The following TMEM184B variants were observed in gnomAD, a reference collection of about 807,000 sequenced individuals.
TMEM184B encodes putative MAPK-activating protein FM08.
A neutral mutation model predicts 41.8 loss-of-function variants in TMEM184B; 17 were observed. The ratio of observed to expected loss-of-function variants is 0.41; its 90% CI spans 0.28 to 0.61. TMEM184B has a LOEUF of 0.61. Among genes scored for constraint, TMEM184B ranks in the 20% least tolerant of loss-of-function variants. TMEM184B has a pLI of 0.34. For missense variants in TMEM184B, 393 were observed against 557.8 expected, an observed-to-expected ratio of 0.70 and a Z score of 2.98; for synonymous variants, 240 against 229.5, an observed-to-expected ratio of 1.05 and a Z score of -0.41.
At chr22:38,221,745 G>C in intron 8 of TMEM184B, 35 bp from the exon 9 acceptor site, 2 of 1,606,750 alleles carry the variant, frequency 1.2e-6, no homozygotes, top group Non-Finnish European at 1.7e-6. Flanking sequence ...CAGGTGAGGA[G>C]GCTGGGACGG....
In TMEM184B at chr22:38,220,117, G is replaced by A. The variant is rs986740447; in HGVS notation, c.*1352C>T. 105 of 985,452 alleles carry A rather than the reference G, an allele frequency of 1.1e-4. No individual in the cohort carries two copies. Among genetic ancestry groups the A allele is most frequent in the Admixed American group, 2.5e-4 (4 of 16,280 alleles). 61.0% of individuals were successfully genotyped at this position (985,452 alleles called of 1,614,324 possible). A position where few individuals can be genotyped will look rare whatever the true frequency, so the allele number is the denominator to read the frequency against. On this transcript the variant is annotated 3_prime_UTR_variant, in exon 9 of 9. Coordinates refer to ENST00000361906, the MANE Select transcript of TMEM184B (RefSeq NM_012264.5). The stretch of plus-strand genomic sequence containing the variant: ...TTTTAAATGCCAGGACACTTTGCCT[G>A]TAGGGACACGTGTTGTGACACGAGG...
At chr22:38,218,345 G>A (rs1392445789), downstream of TMEM184B, among the ~76,000 whole-genome samples, 2 of 152,180 alleles carry the variant, frequency 1.3e-5, no homozygotes, top group African/African-American at 4.8e-5. Flanking sequence ...TTAGCTGTGG[G>A]ATCTTTGGTA....
chr22:38,238,389 C>A (rs753076680), intron 3 of TMEM184B, among the ~76,000 whole-genome samples: 1 of 151,528 alleles, frequency 6.6e-6, no homozygotes, highest in Non-Finnish European at 1.5e-5. Context: ...CCACGCCCAG[C>A]TAATTTTTGT....
chr22:38,228,430 A>C (rs978024175), intron 5 of TMEM184B, among the ~76,000 whole-genome samples: 7 of 141,344 alleles, frequency 5.0e-5, no homozygotes, highest in Non-Finnish European at 9.3e-5. Context: ...GCAGCAGCAG[A>C]GCCCAGGCCA....
In TMEM184B at chr22:38,224,995, C is replaced by T. The variant is rs771863796; in HGVS notation, c.788-16G>A. On this transcript the variant is annotated splice_polypyrimidine_tract_variant and intron_variant, in intron 7 of 8. Transcript: ENST00000361906. ...AGGAGCATGCCTGGATGGGGAGGCA[C>T]GGGTGTCTGGACCCAGAATGATTCC... is the stretch of plus-strand genomic sequence containing the variant. 1.7e-5 allele frequency: 26 copies of T among 1,537,284 alleles called. 1 individual carries two copies. Among genetic ancestry groups the T allele is most frequent in the Middle Eastern group, 1.7e-4 (1 of 5,824 alleles).
intron 8 of TMEM184B, chr22:38,223,839 T>A (rs1002962524): frequency 1.3e-5 from 2 of 152,948 alleles, no homozygotes; most frequent in Admixed American, 1.3e-4. Context: ...TCCAGCCCAG[T>A]GGAGCGTCCC....
chr22:38,267,235 G>A (rs1327953146), intron 1 of TMEM184B, among the ~76,000 whole-genome samples: 2 of 152,172 alleles, frequency 1.3e-5, no homozygotes, highest in East Asian at 3.9e-4. Flanking sequence ...TGGAAGTGAC[G>A]CAGGTTCAGC....
chr22:38,235,821 C>T (rs1000946625), intron 3 of TMEM184B, among the ~76,000 whole-genome samples: 2 of 152,162 alleles, frequency 1.3e-5, no homozygotes, highest in East Asian at 3.8e-4. Flanking sequence ...ATAAAAGATG[C>T]GTGCGTGGAT....
rs377380376 is a variant in TMEM184B at position 38,227,012 on chromosome 22, G to A, written c.526-142C>T. ...GGAGAGGACGGAGGGATGGAGGGACGGAGGGGATGGAGGGACGAAGGGATG... is the reference window on the plus strand; with the variant it reads ...GGAGAGGACGGAGGGATGGAGGGACAGAGGGGATGGAGGGACGAAGGGATG... On this transcript the variant is annotated intron_variant, in intron 5 of 8. Coordinates refer to ENST00000361906, the MANE Select transcript of TMEM184B (RefSeq NM_012264.5). 1.3e-4 allele frequency: 103 copies of A among 773,166 alleles called. 1 individual carries two copies. The East Asian group carries it at 1.4e-3, about 11-fold the overall frequency. 47.9% of individuals were successfully genotyped at this position (773,166 alleles called of 1,614,324 possible). A position where few individuals can be genotyped will look rare whatever the true frequency, so the allele number is the denominator to read the frequency against.
chr22:38,259,296 G>C (rs2145755867), intron 1 of TMEM184B, among the ~76,000 whole-genome samples: 1 of 152,290 alleles, frequency 6.6e-6, no homozygotes, highest in East Asian at 1.9e-4. Flanking sequence ...GTAGGCTGAA[G>C]AATAATCCCC....
chr22:38,260,508 C>A lies in TMEM184B; in HGVS notation c.-59+12376G>T, dbSNP rs116187500. Among the ~76,000 whole-genome samples, 1,191 of 152,258 alleles carry A rather than the reference C, an allele frequency of 7.8e-3. 20 individuals are homozygous for A. The highest frequency in any genetic ancestry group is 0.027 in the African/African-American group (1,140 of 41,538). On this transcript the variant is annotated intron_variant, in intron 1 of 8. Transcript: ENST00000361906. ...ACTGCCACTGCCGTGCTGTGAAATC[C>A]GCAGAACTCTGGAGCCTGACCACCT...
chr22:38,272,505 G>A (rs1475420378), intron 1 of TMEM184B: 3 of 985,418 alleles, frequency 3.0e-6, no homozygotes, highest in East Asian at 1.1e-4. Flanking sequence ...TCACTCGGCC[G>A]TGCCAGTCGC....
In TMEM184B at chr22:38,246,567, T is replaced by C. The variant is rs556840092; in HGVS notation, c.193-467A>G. On this transcript the variant is annotated intron_variant, in intron 2 of 8. Coordinates refer to ENST00000361906, the MANE Select transcript of TMEM184B (RefSeq NM_012264.5). ...TTGCAGCCTTGCCCCGTCCCTTAAC[T>C]TATGGCAAGACAGACGCAGCCCTCA... The C allele has an allele frequency of 1.0e-4, 29 of 284,378 alleles. 1 individual carries two copies. Among genetic ancestry groups the C allele is most frequent in the African/African-American group, 6.4e-4 (29 of 45,638 alleles). 17.6% of individuals were successfully genotyped at this position (284,378 alleles called of 1,614,324 possible). A position where few individuals can be genotyped will look rare whatever the true frequency, so the allele number is the denominator to read the frequency against.
chr22:38,262,244 C>T (rs560941941), intron 1 of TMEM184B, among the ~76,000 whole-genome samples: 11 of 152,278 alleles, frequency 7.2e-5, no homozygotes, highest in African/African-American at 2.4e-4. Context: ...TGGTGACTAC[C>T]GGCGAAGAGC....
chr22:38,254,204 CA>C (rs61216492), intron 1 of TMEM184B, among the ~76,000 whole-genome samples: 2,612 of 86,542 alleles, frequency 0.03, 58 homozygotes, highest in African/African-American at 0.09. Flanking sequence ...CTCTTGTCTC[CA>C]AAAAAAAAAA....
chr22:38,224,784 C>A lies in TMEM184B; in HGVS notation c.982+1G>T. 1 of 1,593,860 alleles carries A rather than the reference C, an allele frequency of 6.3e-7. No homozygotes were observed. The highest frequency in any genetic ancestry group is 8.6e-7 in the Non-Finnish European group (1 of 1,166,442). The stretch of plus-strand genomic sequence containing the variant: ...GGGTCGCCTAGGACCCTGGCTCATA[C>A]CTTGTGCGTCCAGCCTCTTGTCAGC... On this transcript the variant is annotated splice_donor_variant, in intron 8 of 8. Transcript: ENST00000361906. LOFTEE classifies it high-confidence loss of function.
Position 38,246,085 on chromosome 22 carries a change from G to A in TMEM184B, c.208C>T (p.Arg70Cys), listed in dbSNP as rs969714923. ...TGCTCGTTGGGGCAGCTGTAGCAGC[G>A]CAGGTGCATGTAGATCTGGGGGCAG... ...ITCHQIYMHL[R>C]CYSCPNEQRY... The change falls in exon 3 of 9, where the codon CGC becomes TGC. Residue 70 changes from arginine (R) to cysteine (C), a missense_variant. Physicochemically the swap from Arg to Cys is radical, Grantham distance 180. Around this residue, in one of 2 missense-constraint regions of TMEM184B, gnomAD observed 122 missense variants for 123.7 expected, o/e 0.99. Transcript: ENST00000361906. 16 of 1,611,010 alleles carry A rather than the reference G, an allele frequency of 9.9e-6. 1 individual carries two copies. Among genetic ancestry groups the A allele is most frequent in the East Asian group, 6.7e-5 (3 of 44,896 alleles).
In TMEM184B at chr22:38,221,110, A is replaced by G. The variant is rs1602349771; in HGVS notation, c.*359T>C. 4 of 1,093,064 alleles carry G rather than the reference A, an allele frequency of 3.7e-6. No individual in the cohort carries two copies. Among genetic ancestry groups the G allele is most frequent in the South Asian group, 3.4e-5 (1 of 29,472 alleles). 67.7% of individuals were successfully genotyped at this position (1,093,064 alleles called of 1,614,324 possible). A position where few individuals can be genotyped will look rare whatever the true frequency, so the allele number is the denominator to read the frequency against. ...ACCTCAGCCTGAGAGTCTCGCGGGG[A>G]GGAGGGGCTAGAAGGCTGCAGCCGC... On this transcript the variant is annotated 3_prime_UTR_variant, in exon 9 of 9. Transcript: ENST00000361906.
chr22:38,259,958 T>C (rs1280167427), intron 1 of TMEM184B, among the ~76,000 whole-genome samples: 2 of 108,074 alleles, frequency 1.9e-5, no homozygotes, highest in East Asian at 2.8e-4. Flanking sequence ...TTTTTTTTTT[T>C]TGTGAGACGG....
Sources: allele counts gnomAD v4.1 joint callset (sites outside exome capture counted in the v4.1 genomes callset), GRCh38; gene constraint gnomAD v4.1.1; regional missense constraint gnomAD v4.1.1; transcripts MANE v1.5; gene names NCBI Gene and HGNC (gene_info 2026-07-23, HGNC 2026-07-21).